ARHGAP23: variants seen among roughly 807,000 people sequenced by gnomAD.
ARHGAP23 encodes rho GTPase-activating protein 23.
A neutral mutation model predicts 136.3 loss-of-function variants in ARHGAP23; 34 were observed. The observed-to-expected ratio is 0.25, with a 90% CI of 0.19 to 0.33. The LOEUF is 0.33. Among genes scored for constraint, ARHGAP23 ranks in the 10% least tolerant of loss-of-function variants. The pLI is 1.00. For missense variants in ARHGAP23, 1,808 were observed against 2,139.0 expected (o/e 0.85, Z 3.05); for synonymous variants, 832 against 920.5 (o/e 0.90, Z 1.74).
chr17:38,467,050 C>T lies in ARHGAP23; in HGVS notation c.1367C>T (p.Ala456Val), dbSNP rs1464857217. ...ACCTTCAACCTGGCCCAGTCCCCTGCGTCATTCCCACCAGAGGCCTCCGAG... is the reference window on the plus strand; with the variant it reads ...ACCTTCAACCTGGCCCAGTCCCCTGTGTCATTCCCACCAGAGGCCTCCGAG... ...LPTFNLAQSP[A>V]SFPPEASEPP... The change falls in exon 7 of 24, where the codon GCG becomes GTG. Residue 456 changes from alanine to valine, a missense_variant. Physicochemically the swap from Ala to Val is moderately conservative, Grantham distance 64 (BLOSUM62 0). This residue lies in a region of ARHGAP23 where 859 missense variants were observed against 936.4 expected (regional missense o/e 0.92). Coordinates refer to ENST00000622683, the MANE Select transcript of ARHGAP23 (RefSeq NM_001199417.2). The T allele has an allele frequency of 6.4e-6, 10 of 1,550,998 alleles. No homozygotes were observed. The highest frequency in any genetic ancestry group is 3.9e-5 in the Admixed American group (2 of 51,018).
chr17:38,500,581 T>C lies in ARHGAP23; in HGVS notation c.3416-16T>C. The C allele has an allele frequency of 6.5e-7, 1 of 1,548,734 alleles. No homozygotes were observed. Among genetic ancestry groups the C allele is most frequent in the South Asian group, 1.2e-5 (1 of 83,944 alleles). ...CTGATGCAACTTTCATTTTTTTTTCTGTCTTTCACCAACAGATTCTACCAC... is the reference window on the plus strand; with the variant it reads ...CTGATGCAACTTTCATTTTTTTTTCCGTCTTTCACCAACAGATTCTACCAC... On this transcript the variant is annotated splice_polypyrimidine_tract_variant and intron_variant, in intron 22 of 23. Coordinates refer to ENST00000622683, the MANE Select transcript of ARHGAP23 (RefSeq NM_001199417.2).
intron 1 of ARHGAP23, among the ~76,000 whole-genome samples, chr17:38,448,016 C>G (rs1341101214): frequency 6.6e-6 from 1 of 152,206 alleles, no homozygotes; most frequent in Non-Finnish European, 1.5e-5. Context: ...GCCAGCCTGG[C>G]ACCTTTGCCA....
At position 38,510,991 on chromosome 17, in the gene ARHGAP23, C is replaced by G. The variant is rs770429092; in HGVS notation, c.*19C>G. The G allele has an allele frequency of 3.5e-6, 5 of 1,409,982 alleles. No homozygotes were observed. Among genetic ancestry groups the G allele is most frequent in the Non-Finnish European group, 4.6e-6 (5 of 1,095,588 alleles). 87.3% of individuals were successfully genotyped at this position (1,409,982 alleles called of 1,614,324 possible). On this transcript the variant is annotated 3_prime_UTR_variant, in exon 24 of 24. Transcript: ENST00000622683. The surrounding 1 kb of genome is among the most constrained non-coding windows in gnomAD (Gnocchi z 4.6). ...TCTGTGATCCCCACCTCCCGCGCCG[C>G]TCGGGCGCCACCCCTCCCTAGAGCC... is the stretch of plus-strand genomic sequence containing the variant.
intron 11 of ARHGAP23, among the ~76,000 whole-genome samples, chr17:38,475,389 G>T (rs1222642447): frequency 1.3e-5 from 2 of 152,356 alleles, no homozygotes; most frequent in Non-Finnish European, 2.9e-5. Flanking sequence ...CCTCAGAGAG[G>T]TGCCCTTGTC....
chr17:38,474,833 G>A (rs1194706913), intron 11 of ARHGAP23, among the ~76,000 whole-genome samples: 1 of 152,202 alleles, frequency 6.6e-6, no homozygotes, highest in African/African-American at 2.4e-5. Flanking sequence ...GGAGCCATGA[G>A]GCAAGGAGGG....
Position 38,479,809 on chromosome 17 carries a change from G to T in ARHGAP23, c.2555G>T (p.Gly852Val), listed in dbSNP as rs1260377797. The T allele has an allele frequency of 9.2e-6, 14 of 1,528,368 alleles. No individual in the cohort carries two copies. The highest frequency in any genetic ancestry group is 1.2e-5 in the Non-Finnish European group (14 of 1,135,342). The allele number at this position is 1,528,368 out of a possible 1,614,324, so 94.7% of individuals were successfully genotyped here. The change falls in exon 14 of 24, where the codon GGC becomes GTC. Residue 852 changes from glycine (G) to valine (V), a missense_variant. Around this residue, in one of 7 missense-constraint regions of ARHGAP23, gnomAD observed 73 missense variants for 82.5 expected, o/e 0.88. Transcript: ENST00000622683. ...SSPKGSRGLGGLKSEFLKQSA... is the reference protein window; with the variant it reads ...SSPKGSRGLGVLKSEFLKQSA... ...CCCAAAGGCTCTCGCGGCCTGGGGG[G>T]CCTCAAGTCTGAGTTCCTCAAGCAG... is the stretch of plus-strand genomic sequence containing the variant.
chr17:38,472,842 C>T lies in ARHGAP23; in HGVS notation c.2118+836C>T, dbSNP rs182418887. On this transcript the variant is annotated intron_variant, in intron 11 of 23. Coordinates refer to ENST00000622683, the MANE Select transcript of ARHGAP23 (RefSeq NM_001199417.2). ...AAATGGAGCTAACAGTAATCCCTAG[C>T]TCATAAGCCTATTGCTAAGGATTAA... is the stretch of plus-strand genomic sequence containing the variant. 3.7e-3 allele frequency among the ~76,000 whole-genome samples: 566 copies of T among 152,368 alleles called. 4 individuals carry two copies. Among genetic ancestry groups the T allele is most frequent in the African/African-American group, 0.013 (539 of 41,580 alleles).
chr17:38,435,452 C>A (rs544713313), intron 1 of ARHGAP23, among the ~76,000 whole-genome samples: 2 of 152,276 alleles, frequency 1.3e-5, no homozygotes, highest in South Asian at 4.1e-4. Context: ...TAGAAAGGGG[C>A]ACCCCAGGCT....
At chr17:38,468,113 CAG>C (rs1227908935) in intron 7 of ARHGAP23, among the ~76,000 whole-genome samples, 2 of 152,202 alleles carry the variant, frequency 1.3e-5, no homozygotes, top group African/African-American at 4.8e-5. Context: ...AGGAGTTTAT[CAG>C]GGGAAGAATA....
intron 1 of ARHGAP23, among the ~76,000 whole-genome samples, chr17:38,436,869 A>C (rs1431947096): frequency 6.6e-6 from 1 of 152,240 alleles, no homozygotes; most frequent in Admixed American, 6.5e-5. Flanking sequence ...CACAAAGGCG[A>C]TAACGGGAGT....
intron 1 of ARHGAP23, among the ~76,000 whole-genome samples, chr17:38,423,249 G>A (rs1040847546): frequency 8.6e-5 from 13 of 151,268 alleles, no homozygotes; most frequent in Non-Finnish European, 1.5e-4. Flanking sequence ...CTGGAGTGCC[G>A]CGGCATGATC....
At chr17:38,490,727 C>T (rs2040259289) in intron 19 of ARHGAP23, among the ~76,000 whole-genome samples, 176 bp downstream of exon 19, 1 of 152,192 alleles carries the variant, frequency 6.6e-6, no homozygotes, top group Non-Finnish European at 1.5e-5. Flanking sequence ...GTGCTTTCCC[C>T]CAGAGAGCCA....
chr17:38,468,622 G>A (rs1191980987), intron 7 of ARHGAP23, among the ~76,000 whole-genome samples: 1 of 152,204 alleles, frequency 6.6e-6, no homozygotes, highest in Non-Finnish European at 1.5e-5. Context: ...TGCTAGTAAG[G>A]AAGGCTCTAG....
Position 38,469,596 on chromosome 17 carries a change from A to G in ARHGAP23, c.1877A>G (p.Asp626Gly). 6.5e-7 allele frequency: 1 copy of G among 1,548,716 alleles called. No individual in the cohort carries two copies. Among genetic ancestry groups the G allele is most frequent in the Non-Finnish European group, 8.7e-7 (1 of 1,146,714 alleles). ...ACGGAGCGCTCCAAGTCCTGCGATG[A>G]TGGACTCAACACCTTCCGCGACGAG... ...ITTERSKSCD[D>G]GLNTFRDEGR... is the part of the protein sequence containing the mutation. Residue 626 changes from aspartate to glycine, a missense_variant, in exon 9 of 24, where the codon GAT becomes GGT. This residue lies in a region of ARHGAP23 where 859 missense variants were observed against 936.4 expected (regional missense o/e 0.92). Transcript: ENST00000622683.
At chr17:38,422,651 C>G (rs542788117) in intron 1 of ARHGAP23, among the ~76,000 whole-genome samples, 1 of 152,154 alleles carries the variant, frequency 6.6e-6, no homozygotes, top group Non-Finnish European at 1.5e-5. Context: ...TGCAGCCTCT[C>G]GCTCCCGCCG....
At chr17:38,508,365 G>T (rs2040680226) in intron 23 of ARHGAP23, among the ~76,000 whole-genome samples, 1 of 152,102 alleles carries the variant, frequency 6.6e-6, no homozygotes, top group Non-Finnish European at 1.5e-5. Flanking sequence ...GGAAGGGTTG[G>T]TAGGGCTGTA....
At chr17:38,460,796 G>A (rs2039441220) in intron 2 of ARHGAP23, 109 bp from the exon 3 acceptor site, 5 of 1,533,964 alleles carry the variant, frequency 3.3e-6, no homozygotes, top group Non-Finnish European at 4.4e-6. Context: ...TACTTGGGAG[G>A]AGATAAGGGG....
At chr17:38,501,900 T>C (rs1369302671) in intron 23 of ARHGAP23, among the ~76,000 whole-genome samples, 5 of 150,758 alleles carry the variant, frequency 3.3e-5, no homozygotes, top group Non-Finnish European at 7.4e-5. Context: ...TAGAAAATAG[T>C]ATAATTTTAA....
chr17:38,459,145 C>T lies in ARHGAP23; in HGVS notation c.225+882C>T, dbSNP rs2039399999. Among the ~76,000 whole-genome samples, 2 of 152,198 alleles carry T rather than the reference C, an allele frequency of 1.3e-5. 1 individual carries two copies. The highest frequency in any genetic ancestry group is 4.1e-4 in the South Asian group (2 of 4,834). ...AGACACTGATTTTGCAGTGAATGAA[C>T]CCCTCTATCCACTTTCCCTAGGACC... is the stretch of plus-strand genomic sequence containing the variant. On this transcript the variant is annotated intron_variant, in intron 2 of 23. Transcript: ENST00000622683.
Sources: gnomAD v4.1 joint callset for allele counts (sites outside exome capture counted in the v4.1 genomes callset) on GRCh38, gnomAD v4.1.1 for gene constraint, gnomAD v4.1.1 regional missense constraint, Gnocchi (gnomAD v3.1) non-coding constraint, MANE v1.5 for transcripts, NCBI Gene and HGNC (gene_info 2026-07-23, HGNC 2026-07-21) for gene names.